Variants in DNM3 observed in about 807,000 individuals in gnomAD.
DNM3 encodes the protein dynamin-3.
In DNM3, 47 loss-of-function variants were observed where a neutral mutation model predicts 101.6. The observed-to-expected ratio is 0.46, with a 90% CI of 0.37 to 0.59. The LOEUF (loss-of-function observed/expected upper bound fraction) is 0.59. Ranked by LOEUF, DNM3 falls within the 20% of genes least tolerant of loss-of-function variation. The pLI, the probability that DNM3 is intolerant of heterozygous loss-of-function variation, is 0.00. For missense variants in DNM3, 849 were observed against 1,085.7 expected (o/e 0.78, Z 3.06); for synonymous variants, 385 against 387.9 (o/e 0.99, Z 0.09).
At chr1:172,240,441 G>A (rs2061708279) in intron 14 of DNM3, among the ~76,000 whole-genome samples, 1 of 152,090 alleles carries the variant, frequency 6.6e-6, no homozygotes, top group Non-Finnish European at 1.5e-5. Flanking sequence ...ATTGTCAGAG[G>A]ATTTTATTTG....
At chr1:172,074,606 G>T (rs929607071) in intron 11 of DNM3, among the ~76,000 whole-genome samples, 7 of 152,084 alleles carry the variant, frequency 4.6e-5, no homozygotes, top group Non-Finnish European at 1.0e-4. Flanking sequence ...TGAGAATGAT[G>T]GTTTCCAGCT....
At chr1:172,008,686 T>A (rs889931112) in intron 4 of DNM3, among the ~76,000 whole-genome samples, 2 of 149,782 alleles carry the variant, frequency 1.3e-5, no homozygotes, top group Non-Finnish European at 3.0e-5. Flanking sequence ...GAATGGACTG[T>A]CCTTTCTCCA....
intron 12 of DNM3, among the ~76,000 whole-genome samples, chr1:172,090,537 A>G (rs1474809866): frequency 6.6e-6 from 1 of 152,230 alleles, no homozygotes; most frequent in East Asian, 1.9e-4. Context: ...CGTAATTAAG[A>G]GGATTAACCA....
intron 2 of DNM3, among the ~76,000 whole-genome samples, chr1:171,949,408 G>A (rs112026702): frequency 6.6e-6 from 1 of 152,116 alleles, no homozygotes; most frequent in Non-Finnish European, 1.5e-5. Context: ...CCATAACCAG[G>A]TATTATTTTG....
In DNM3 at chr1:172,408,388, A is replaced by G. The variant is rs2071037389; in HGVS notation, c.*547A>G. The stretch of plus-strand genomic sequence containing the variant: ...TTTTTTAAAATTAGGACTCCTTAAG[A>G]ATAAACTTTTCCAGAAGCACGAGGT... On this transcript the variant is annotated 3_prime_UTR_variant, in exon 21 of 21. Coordinates refer to ENST00000627582, the MANE Select transcript of DNM3 (RefSeq NM_015569.5). 2.0e-6 allele frequency: 2 copies of G among 985,904 alleles called. No individual in the cohort carries two copies. The highest frequency in any genetic ancestry group is 3.5e-5 in the African/African-American group (2 of 57,230). 61.1% of individuals were successfully genotyped at this position (985,904 alleles called of 1,614,324 possible). A position where few individuals can be genotyped will look rare whatever the true frequency, so the allele number is the denominator to read the frequency against.
At chr1:172,251,101 A>G (rs2062151680) in intron 14 of DNM3, among the ~76,000 whole-genome samples, 1 of 152,148 alleles carries the variant, frequency 6.6e-6, no homozygotes, top group Admixed American at 6.6e-5. Context: ...CTACATTTCA[A>G]GTGCTCAGTA....
At position 172,032,401 on chromosome 1, in the gene DNM3, G is replaced by A; in HGVS notation, c.590-1G>A. On this transcript the variant is annotated splice_acceptor_variant, in intron 4 of 20. Transcript: ENST00000627582. LOFTEE classifies it high-confidence loss of function. ...TAATGTTGGGTTTGTTTATGATGCAGGTCTGAGAACCATTGGAGTTATCAC... is the reference window on the plus strand; with the variant it reads ...TAATGTTGGGTTTGTTTATGATGCAAGTCTGAGAACCATTGGAGTTATCAC... 1 of 1,610,384 alleles carries A rather than the reference G, an allele frequency of 6.2e-7. No individual in the cohort carries two copies. The highest frequency in any genetic ancestry group is 8.5e-7 in the Non-Finnish European group (1 of 1,177,030).
intron 13 of DNM3, among the ~76,000 whole-genome samples, chr1:172,127,507 C>T (rs941687206): frequency 1.3e-5 from 2 of 151,346 alleles, no homozygotes; most frequent in Non-Finnish European, 1.5e-5. Context: ...CTCCTGTGTT[C>T]GAGTGATTCT....
intron 13 of DNM3, among the ~76,000 whole-genome samples, chr1:172,126,238 A>T (rs1294832685): frequency 6.6e-6 from 1 of 152,272 alleles, no homozygotes; most frequent in Admixed American, 6.5e-5. Flanking sequence ...CTGCTTCTTA[A>T]CCTTTTTATG....
chr1:171,978,546 A>G (rs1294071248), intron 2 of DNM3, among the ~76,000 whole-genome samples: 1 of 152,180 alleles, frequency 6.6e-6, no homozygotes, highest in Non-Finnish European at 1.5e-5. Flanking sequence ...GGCAGACTGT[A>G]TCGGACTTTG....
intron 4 of DNM3, among the ~76,000 whole-genome samples, chr1:171,990,720 A>T (rs1483218326): frequency 6.6e-6 from 1 of 152,034 alleles, no homozygotes; most frequent in Non-Finnish European, 1.5e-5. Context: ...AGCTCTTCCT[A>T]TACCCTAGCA....
intron 4 of DNM3, among the ~76,000 whole-genome samples, chr1:172,002,005 T>C (rs867046682): frequency 3.7e-4 from 56 of 152,120 alleles, no homozygotes; most frequent in African/African-American, 1.3e-3. Flanking sequence ...TTGTCAACAC[T>C]CAGAATATAA....
At position 172,373,810 on chromosome 1, in the gene DNM3, T is replaced by C. The variant is rs1275554377; in HGVS notation, c.1894-5208T>C. On this transcript the variant is annotated intron_variant, in intron 17 of 20. Coordinates refer to ENST00000627582, the MANE Select transcript of DNM3 (RefSeq NM_015569.5). The stretch of plus-strand genomic sequence containing the variant: ...AAAAAAACTCCAGACCCAATGATTA[T>C]TACTCCAAGAATATAGATCTTTGTC... Among the ~76,000 whole-genome samples, 4 of 152,084 alleles carry C rather than the reference T, an allele frequency of 2.6e-5. No individual in the cohort carries two copies. In the East Asian group the frequency reaches 7.7e-4, roughly 29 times the overall value.
intron 17 of DNM3, among the ~76,000 whole-genome samples, chr1:172,368,582 T>A (rs2068152191): frequency 6.6e-6 from 1 of 151,464 alleles, no homozygotes; most frequent in African/African-American, 2.4e-5. Context: ...AAAGCAAGAA[T>A]AAGCCAAACC....
chr1:172,228,296 T>TG (rs1446925059), intron 14 of DNM3, among the ~76,000 whole-genome samples: 1 of 151,980 alleles, frequency 6.6e-6, no homozygotes, highest in Non-Finnish European at 1.5e-5. Context: ...TTCTATTTTG[T>TG]GGGGAAGGGT....
rs773748438 is a variant in DNM3, at chr1:171,921,834, G to A, written c.235+13G>A. 3.8e-6 allele frequency: 6 copies of A among 1,588,726 alleles called. No individual in the cohort carries two copies. In the South Asian group the frequency reaches 5.7e-5, roughly 15 times the overall value. ...ACTTCTAAAGCAGGTAATGAATGAA[G>A]ATGTTTACCGCATGGATGGGCACAT... On this transcript the variant is annotated intron_variant, in intron 2 of 20. Transcript: ENST00000627582.
At chr1:172,105,354 A>G (rs1170681135) in intron 13 of DNM3, among the ~76,000 whole-genome samples, 1 of 152,240 alleles carries the variant, frequency 6.6e-6, no homozygotes, top group Non-Finnish European at 1.5e-5. Context: ...GAAGCTTAGA[A>G]AAGTTAAATA....
chr1:172,065,680 A>G (rs1203295686), intron 10 of DNM3, among the ~76,000 whole-genome samples: 1 of 152,116 alleles, frequency 6.6e-6, no homozygotes, highest in Admixed American at 6.6e-5. Context: ...CAGGATTCAG[A>G]TAAGAGGGTG....
rs760019506 is a variant in DNM3 at position 172,068,913 on chromosome 1, G to T, written c.1422+8G>T. On this transcript the variant is annotated splice_region_variant and intron_variant, in intron 11 of 20. Coordinates refer to ENST00000627582, the MANE Select transcript of DNM3 (RefSeq NM_015569.5). The stretch of plus-strand genomic sequence containing the variant: ...GGGAAGACAAAGGACCAGGTAAAGA[G>T]AGGTCTTCCCTGGTGGGCAGGGAGA... The T allele has an allele frequency of 1.3e-5, 20 of 1,555,370 alleles. No individual in the cohort carries two copies. Among genetic ancestry groups the T allele is most frequent in the Middle Eastern group, 1.7e-4 (1 of 6,010 alleles).
Sources: gnomAD v4.1 joint callset for allele counts (sites outside exome capture counted in the v4.1 genomes callset) on GRCh38, gnomAD v4.1.1 for gene constraint, MANE v1.5 for transcripts, NCBI Gene and HGNC (gene_info 2026-07-23, HGNC 2026-07-21) for gene names.